The following PAQR5 variants were observed in gnomAD, a reference collection of about 807,000 sequenced individuals.
PAQR5 encodes the protein membrane progestin receptor gamma.
Under a neutral mutation model 34.5 loss-of-function variants are expected in PAQR5, and 20 were observed. The observed-to-expected ratio is 0.58, with a 90% CI of 0.41 to 0.84. The LOEUF (loss-of-function observed/expected upper bound fraction) is 0.84. Ranked by LOEUF, PAQR5 falls within the 40% of genes least tolerant of loss-of-function variation. The pLI is 0.00. For missense variants in PAQR5, 378 were observed against 412.7 expected, an observed-to-expected ratio of 0.92 and a Z score of 0.73; for synonymous variants, 131 against 155.6, an observed-to-expected ratio of 0.84 and a Z score of 1.18.
chr15:69,322,370 C>A lies in PAQR5; in HGVS notation c.-276-14971C>A, dbSNP rs2054117532. 4.7e-5 allele frequency among the ~76,000 whole-genome samples: 7 copies of A among 149,182 alleles called. 1 individual carries two copies. The South Asian group carries it at 1.5e-3, about 32-fold the overall frequency. The stretch of plus-strand genomic sequence containing the variant: ...GGGCGCGGTAGCGGGCACCTGTAAT[C>A]CCAGCTACTTAGGAGGATAAGACAG... On this transcript the variant is annotated intron_variant, in intron 1 of 8. Transcript: ENST00000395407.
chr15:69,329,045 A>T (rs1337096477), intron 1 of PAQR5, among the ~76,000 whole-genome samples: 2 of 152,208 alleles, frequency 1.3e-5, no homozygotes, highest in African/African-American at 4.8e-5. Flanking sequence ...CCTGCCCTGG[A>T]ATGGGGATTC....
chr15:69,350,780 T>G (rs964499289), intron 2 of PAQR5, among the ~76,000 whole-genome samples: 9 of 151,988 alleles, frequency 5.9e-5, no homozygotes, highest in Non-Finnish European at 1.3e-4. Context: ...CAAAAACCCT[T>G]GAATATAGGG....
intron 1 of PAQR5, among the ~76,000 whole-genome samples, chr15:69,303,010 G>T (rs916402232): frequency 6.6e-6 from 1 of 152,102 alleles, no homozygotes; most frequent in Admixed American, 6.5e-5. Context: ...AATCTTGTTT[G>T]CCATCTGTCC....
intron 6 of PAQR5, among the ~76,000 whole-genome samples, chr15:69,394,050 T>C (rs2056343081): frequency 6.6e-6 from 1 of 151,972 alleles, no homozygotes; most frequent in African/African-American, 2.4e-5. Context: ...CAGCAAGTAC[T>C]GTATGGACAA....
intron 3 of PAQR5, among the ~76,000 whole-genome samples, chr15:69,374,889 C>T (rs888241274): frequency 2.0e-5 from 3 of 152,074 alleles, no homozygotes; most frequent in Admixed American, 6.6e-5. Context: ...GGTGACAGCA[C>T]GATGCTGGGG....
chr15:69,332,433 A>G (rs1316509951), intron 1 of PAQR5, among the ~76,000 whole-genome samples: 11 of 152,140 alleles, frequency 7.2e-5, no homozygotes. Context: ...TGCCATCCAG[A>G]GGACAGGAAT....
intron 1 of PAQR5, among the ~76,000 whole-genome samples, chr15:69,336,308 C>A (rs2054514785): frequency 6.6e-6 from 1 of 152,082 alleles, no homozygotes. Flanking sequence ...GATATCAGGT[C>A]CTCTAAAGTC....
At chr15:69,361,522 A>G (rs777482484) in intron 3 of PAQR5, among the ~76,000 whole-genome samples, 2 of 152,208 alleles carry the variant, frequency 1.3e-5, no homozygotes, top group Non-Finnish European at 2.9e-5. Flanking sequence ...TATAAAGAAA[A>G]GAGGTCTAAT....
rs559444592 is a variant in PAQR5 at position 69,392,687 on chromosome 15, G to T, written c.512+2907G>T. 2.6e-5 allele frequency among the ~76,000 whole-genome samples: 4 copies of T among 152,316 alleles called. No individual in the cohort carries two copies. The East Asian group carries it at 7.7e-4, about 29-fold the overall frequency. On this transcript the variant is annotated intron_variant, in intron 6 of 8. Coordinates refer to ENST00000395407, the MANE Select transcript of PAQR5 (RefSeq NM_017705.4). ...ATTTCCGTTAGAGTGTAGCAGGAGG[G>T]AGTGTAATGTAAACAAATAATGATA...
intron 5 of PAQR5, among the ~76,000 whole-genome samples, chr15:69,386,388 C>A (rs543691240): frequency 6.6e-6 from 1 of 152,288 alleles, no homozygotes; most frequent in South Asian, 2.1e-4. Flanking sequence ...CCAGCATTCA[C>A]TAGACCGTGC....
In PAQR5 at chr15:69,405,681, T is replaced by G. The variant is rs895048379; in HGVS notation, c.*1859T>G. On this transcript the variant is annotated 3_prime_UTR_variant, in exon 9 of 9. Coordinates refer to ENST00000395407, the MANE Select transcript of PAQR5 (RefSeq NM_017705.4). ...TGCCAAAGACATACAGTGTTTTACATTCTCTCCTTTATAGGTAACAAAATA... is the reference window on the plus strand; with the variant it reads ...TGCCAAAGACATACAGTGTTTTACAGTCTCTCCTTTATAGGTAACAAAATA... 7 of 152,218 alleles carry G rather than the reference T, an allele frequency of 4.6e-5. No individual in the cohort carries two copies. The highest frequency in any genetic ancestry group is 1.7e-4 in the African/African-American group (7 of 41,456). The allele number at this position is 152,218 out of a possible 1,614,324, so 9.4% of individuals were successfully genotyped here.
chr15:69,304,157 C>G (rs763816511), intron 1 of PAQR5, among the ~76,000 whole-genome samples: 5 of 152,038 alleles, frequency 3.3e-5, no homozygotes, highest in African/African-American at 4.8e-5. Flanking sequence ...CCTTCCCTAC[C>G]CCCCCATCCT....
intron 1 of PAQR5, among the ~76,000 whole-genome samples, chr15:69,302,366 C>T (rs1160514512): frequency 6.6e-6 from 1 of 152,082 alleles, no homozygotes; most frequent in Non-Finnish European, 1.5e-5. Context: ...ATCCACCATG[C>T]CCAGCCAGAA....
intron 1 of PAQR5, among the ~76,000 whole-genome samples, chr15:69,303,836 G>A (rs190504701): frequency 2.6e-5 from 4 of 152,344 alleles, no homozygotes; most frequent in Admixed American, 2.6e-4. Flanking sequence ...CAGAGGAGCA[G>A]ATCTTGTGCA....
At chr15:69,328,818 C>T (rs760375809) in intron 1 of PAQR5, among the ~76,000 whole-genome samples, 3 of 152,184 alleles carry the variant, frequency 2.0e-5, no homozygotes, top group Admixed American at 6.5e-5. Flanking sequence ...GCCTTGGGTG[C>T]GGACTTTACC....
At chr15:69,345,459 T>C (rs889917919) in intron 2 of PAQR5, among the ~76,000 whole-genome samples, 5 of 152,180 alleles carry the variant, frequency 3.3e-5, no homozygotes, top group African/African-American at 1.2e-4. Flanking sequence ...AAGTTCTGTG[T>C]TGGGGGATCT....
intron 6 of PAQR5, chr15:69,391,553 G>A (rs896370674): frequency 1.0e-4 from 42 of 416,238 alleles, no homozygotes; most frequent in Non-Finnish European, 1.8e-4. Flanking sequence ...AGCAAGCCCC[G>A]GAGACCTGGG....
chr15:69,405,688 C>T lies in PAQR5; in HGVS notation c.*1866C>T, dbSNP rs1256972830. 1 of 152,116 alleles carries T rather than the reference C, an allele frequency of 6.6e-6. No individual in the cohort carries two copies. The highest frequency in any genetic ancestry group is 1.5e-5 in the Non-Finnish European group (1 of 68,020). 9.4% of individuals were successfully genotyped at this position (152,116 alleles called of 1,614,324 possible). A position where few individuals can be genotyped will look rare whatever the true frequency, so the allele number is the denominator to read the frequency against. ...GACATACAGTGTTTTACATTCTCTC[C>T]TTTATAGGTAACAAAATAATGTTTA... On this transcript the variant is annotated 3_prime_UTR_variant, in exon 9 of 9. Transcript: ENST00000395407.
chr15:69,370,791 G>A (rs1362759145), intron 3 of PAQR5, among the ~76,000 whole-genome samples: 1 of 152,168 alleles, frequency 6.6e-6, no homozygotes, highest in Non-Finnish European at 1.5e-5. Context: ...AAAGTGCTGG[G>A]ATTACAGGAG....
Sources: allele counts gnomAD v4.1 joint callset (sites outside exome capture counted in the v4.1 genomes callset), GRCh38; gene constraint gnomAD v4.1.1; transcripts MANE v1.5; gene names NCBI Gene and HGNC (gene_info 2026-07-23, HGNC 2026-07-21).